PPA1: variants seen among roughly 807,000 people sequenced by gnomAD.
PPA1 encodes inorganic pyrophosphatase 1, also known as inorganic pyrophosphatase.
PPA1 carries 23 observed loss-of-function variants against 41.8 expected under a neutral mutation model. The observed-to-expected ratio is 0.55, with a 90% CI of 0.40 to 0.78. PPA1 has a LOEUF of 0.78. PPA1 is among the 30% of genes least tolerant of loss of function. The pLI is 0.00. For missense variants in PPA1, 320 were observed against 361.6 expected (o/e 0.89, Z 0.93); for synonymous variants, 101 against 116.8 (o/e 0.86, Z 0.87).
chr10:70,209,691 A>T lies in PPA1; in HGVS notation c.512-6T>A, dbSNP rs376492603. The T allele has an allele frequency of 8.3e-5, 132 of 1,584,520 alleles. No individual in the cohort carries two copies. The highest frequency in any genetic ancestry group is 1.1e-4 in the Non-Finnish European group (128 of 1,161,266). ...CCGTTTGACATCATTGATATCTAAGAAGAGAAGAAGCATAAGATGACAGTG... is the reference window on the plus strand; with the variant it reads ...CCGTTTGACATCATTGATATCTAAGTAGAGAAGAAGCATAAGATGACAGTG... On this transcript the variant is annotated splice_polypyrimidine_tract_variant and splice_region_variant and intron_variant, in intron 6 of 10. Coordinates refer to ENST00000373232, the MANE Select transcript of PPA1 (RefSeq NM_021129.4).
intron 2 of PPA1, among the ~76,000 whole-genome samples, chr10:70,222,457 G>A (rs74802577): frequency 1.1e-4 from 17 of 151,468 alleles, no homozygotes; most frequent in Non-Finnish European, 2.4e-4. Flanking sequence ...CCACCAGGAT[G>A]TGCCAGGCAC....
At chr10:70,209,311 C>T (rs766542598) in intron 7 of PPA1, 21 bp from the exon 8 acceptor site, 1 of 1,512,772 alleles carries the variant, frequency 6.6e-7, no homozygotes, top group East Asian at 2.3e-5. Flanking sequence ...AAGAGGTTTG[C>T]ATTACAATGA....
In PPA1 at chr10:70,203,104, T is replaced by A; in HGVS notation, c.*51A>T. 2 of 1,551,512 alleles carry A rather than the reference T, an allele frequency of 1.3e-6. No homozygotes were observed. Among genetic ancestry groups the A allele is most frequent in the Non-Finnish European group, 1.8e-6 (2 of 1,127,636 alleles). On this transcript the variant is annotated 3_prime_UTR_variant, in exon 11 of 11. Transcript: ENST00000373232. The stretch of plus-strand genomic sequence containing the variant: ...AGCTACTACTTTTACTTCTAATACA[T>A]CCAGATGAACACGATGTAGCAATAT...
chr10:70,222,005 C>T (rs1482673203), intron 2 of PPA1, among the ~76,000 whole-genome samples: 2 of 151,980 alleles, frequency 1.3e-5, no homozygotes, highest in South Asian at 2.1e-4. Flanking sequence ...AATTCTGCTG[C>T]GAACAAAAGC....
chr10:70,208,739 C>A (rs1484077263), intron 8 of PPA1, among the ~76,000 whole-genome samples: 6 of 151,666 alleles, frequency 4.0e-5, no homozygotes, highest in African/African-American at 1.5e-4. Context: ...TATCCTGACA[C>A]AGAATAGAAG....
Position 70,232,533 on chromosome 10 carries a change from AC to A in PPA1, c.64+730del, listed in dbSNP as rs369713763. Among the ~76,000 whole-genome samples the A allele has an allele frequency of 5.3e-4, 80 of 152,220 alleles. 1 individual carries two copies. In the South Asian group the frequency reaches 0.013, roughly 25 times the overall value. On this transcript the variant is annotated intron_variant, in intron 1 of 10. Coordinates refer to ENST00000373232, the MANE Select transcript of PPA1 (RefSeq NM_021129.4). The stretch of plus-strand genomic sequence containing the variant: ...CCTAGGTGCAGGACCCGGGGTAGGT[AC>A]CCCCTAGACGCCGAATCCTGCAAAG...
intron 4 of PPA1, 43 bp downstream of exon 4, chr10:70,217,769 G>A (rs927153505): frequency 4.8e-6 from 7 of 1,444,602 alleles, no homozygotes; most frequent in Admixed American, 4.7e-5. Context: ...TTAATATTTA[G>A]TAAGCTAAAA....
At position 70,204,874 on chromosome 10, in the gene PPA1, GTC is replaced by G; in HGVS notation, c.835_836del (p.Asp279ArgfsTer3). The G allele has an allele frequency of 6.3e-7, 1 of 1,584,818 alleles. No homozygotes were observed. The highest frequency in any genetic ancestry group is 8.6e-7 in the Non-Finnish European group (1 of 1,161,694). The part of the protein sequence containing the change: ...PCESACTVPT[D>X]VDKWFHHQKN Reference sequence around the variant, plus strand: ...ATTTTACTGGAATAGAAATCTTACCGTCTGTTGGTACTGTGCAGGCAGATTCA... The same window carrying G: ...ATTTTACTGGAATAGAAATCTTACCGTGTTGGTACTGTGCAGGCAGATTCA... On this transcript the variant is annotated frameshift_variant and splice_region_variant, in exon 10 of 11. Transcript: ENST00000373232. LOFTEE classifies it high-confidence loss of function.
At position 70,208,115 on chromosome 10, in the gene PPA1, G is replaced by A. The variant is rs191627032; in HGVS notation, c.725+1090C>T. Among the ~76,000 whole-genome samples, 22 of 152,188 alleles carry A rather than the reference G, an allele frequency of 1.4e-4. 1 individual carries two copies. Among genetic ancestry groups the A allele is most frequent in the Admixed American group, 9.8e-4 (15 of 15,288 alleles). On this transcript the variant is annotated intron_variant, in intron 8 of 10. Coordinates refer to ENST00000373232, the MANE Select transcript of PPA1 (RefSeq NM_021129.4). ...TGAGGCAGGAGAATCTCTTGAATCC[G>A]GGAAGCGGAGGTTGCAATGAGCCGA... is the stretch of plus-strand genomic sequence containing the variant.
Position 70,224,246 on chromosome 10 carries a change from CAAAAAAA to C in PPA1, c.124-5436_124-5430del, listed in dbSNP as rs58480019. On this transcript the variant is annotated intron_variant, in intron 2 of 10. Coordinates refer to ENST00000373232, the MANE Select transcript of PPA1 (RefSeq NM_021129.4). ...GCAACATAGACAGACCCTGTCTCTACAAAAAAAAAAAAAAAAAAAAGTCTATTTCCCT... is the reference window on the plus strand; with the variant it reads ...GCAACATAGACAGACCCTGTCTCTACAAAAAAAAAAAAAGTCTATTTCCCT... Among the ~76,000 whole-genome samples the C allele has an allele frequency of 7.2e-5, 5 of 69,460 alleles. No homozygotes were observed. The South Asian group carries it at 2.4e-3, about 34-fold the overall frequency. The allele number at this position is 69,460 out of a possible 152,430, so 45.6% of individuals were successfully genotyped here.
At chr10:70,221,027 AAT>A (rs1554830621) in intron 2 of PPA1, among the ~76,000 whole-genome samples, 13 of 59,770 alleles carry the variant, frequency 2.2e-4, no homozygotes, top group African/African-American at 5.8e-4. Context: ...TTATATATAT[AAT>A]ATATATATAA....
chr10:70,210,637 G>C (rs965118032), intron 6 of PPA1, among the ~76,000 whole-genome samples: 1 of 152,036 alleles, frequency 6.6e-6, no homozygotes, highest in Non-Finnish European at 1.5e-5. Context: ...ACAAACTCCT[G>C]CTCAATGCAA....
intron 8 of PPA1, among the ~76,000 whole-genome samples, chr10:70,206,959 A>G (rs1229688298): frequency 6.6e-6 from 1 of 151,308 alleles, no homozygotes; most frequent in African/African-American, 2.4e-5. Context: ...TAGCTAAGAA[A>G]TGTGAATTGA....
Position 70,213,574 on chromosome 10 carries a change from C to T in PPA1, c.400G>A (p.Glu134Lys). ...EIGSKVCARG[E>K]IIGVKVLGIL... ...CCTAGAACTTTCACGCCAATTATTT[C>T]ACCTCTTGCACATACCTGAGAGTCA... is the stretch of plus-strand genomic sequence containing the variant. Residue 134 changes from glutamate (E) to lysine (K), a missense_variant, in exon 6 of 11, where the codon GAA (glutamate) becomes AAA (lysine). Transcript: ENST00000373232. The T allele has an allele frequency of 1.2e-6, 2 of 1,613,884 alleles. No individual in the cohort carries two copies. Among genetic ancestry groups the T allele is most frequent in the South Asian group, 1.1e-5 (1 of 91,060 alleles).
chr10:70,205,067 G>C, intron 9 of PPA1, 152 bp from the exon 10 acceptor site: 2 of 593,620 alleles, frequency 3.4e-6, no homozygotes, highest in South Asian at 4.7e-5. Flanking sequence ...TAGAAGGTTT[G>C]CTCTACTGCT....
At chr10:70,206,865 A>AGGCGG (rs1554829718) in intron 8 of PPA1, among the ~76,000 whole-genome samples, 1 of 8,670 alleles carries the variant, frequency 1.2e-4, no homozygotes, top group Non-Finnish European at 1.9e-4. Flanking sequence ...AGGAGAGGAG[A>AGGCGG]GGAGGGGAGG....
intron 2 of PPA1, among the ~76,000 whole-genome samples, chr10:70,221,076 A>ATATATATATATTTTTTT (rs1224550178): frequency 2.5e-5 from 1 of 40,050 alleles, no homozygotes; most frequent in African/African-American, 2.0e-4. Context: ...ATATATATAT[A>ATATATATATATTTTTTT]TTTTTTTTTT....
intron 2 of PPA1, among the ~76,000 whole-genome samples, chr10:70,227,495 A>G (rs1840242345): frequency 6.6e-6 from 1 of 150,948 alleles, no homozygotes; most frequent in Admixed American, 6.6e-5. Flanking sequence ...ACAAAAAAAT[A>G]GAAAAATTAG....
chr10:70,225,321 G>A (rs1244853246), intron 2 of PPA1, among the ~76,000 whole-genome samples: 1 of 151,766 alleles, frequency 6.6e-6, no homozygotes, highest in Admixed American at 6.6e-5. Flanking sequence ...GGGCTCAAGT[G>A]ATCCTCCTAC....
Sources: allele counts gnomAD v4.1 joint callset (sites outside exome capture counted in the v4.1 genomes callset), GRCh38; gene constraint gnomAD v4.1.1; transcripts MANE v1.5; gene names NCBI Gene and HGNC (gene_info 2026-07-23, HGNC 2026-07-21).